MAST4: variants seen among roughly 807,000 people sequenced by gnomAD.
MAST4 encodes the protein microtubule-associated serine/threonine-protein kinase 4.
In MAST4, 89 loss-of-function variants were observed where a neutral mutation model predicts 162.7. The observed-to-expected ratio is 0.55, with a 90% CI of 0.46 to 0.65. The LOEUF (loss-of-function observed/expected upper bound fraction) is 0.65. Ranked by LOEUF, MAST4 falls within the 30% of genes least tolerant of loss-of-function variation. The pLI, the probability that MAST4 is intolerant of heterozygous loss-of-function variation, is 0.00. For synonymous variants in MAST4, 1,479 were observed against 1,361.1 expected (o/e 1.09, Z -1.91); for missense variants, 3,153 against 3,374.0 (o/e 0.93, Z 1.62).
chr5:66,843,522 T>C (rs1758574759), intron 3 of MAST4, among the ~76,000 whole-genome samples: 1 of 152,164 alleles, frequency 6.6e-6, no homozygotes, highest in African/African-American at 2.4e-5. Flanking sequence ...TAATGCCTAT[T>C]GGTGCTAGCA....
Position 66,604,127 on chromosome 5 carries a change from T to A in MAST4, c.363+7109T>A, listed in dbSNP as rs77581945. Among the ~76,000 whole-genome samples the A allele has an allele frequency of 1.4e-3, 216 of 152,336 alleles. 1 individual carries two copies. The highest frequency in any genetic ancestry group is 4.9e-3 in the African/African-American group (205 of 41,574). On this transcript the variant is annotated intron_variant, in intron 1 of 28. Transcript: ENST00000403625. ...TAAATGTGAAATGCTGGTTCAGGAC[T>A]GTGGTCCTTGGTACAGACACATACT...
chr5:66,767,772 A>G (rs1754168503), intron 2 of MAST4, among the ~76,000 whole-genome samples: 1 of 152,174 alleles, frequency 6.6e-6, no homozygotes, highest in African/African-American at 2.4e-5. Context: ...CAGGGCAGGA[A>G]GCATCCAGCA....
At chr5:66,946,868 G>C (rs1216880796) in intron 4 of MAST4, among the ~76,000 whole-genome samples, 2 of 152,098 alleles carry the variant, frequency 1.3e-5, no homozygotes, top group Non-Finnish European at 2.9e-5. Context: ...AAAACAGATT[G>C]TTTTTAATAA....
chr5:66,866,683 G>A (rs1420573646), intron 3 of MAST4, among the ~76,000 whole-genome samples: 3 of 152,332 alleles, frequency 2.0e-5, no homozygotes, highest in African/African-American at 7.2e-5. Flanking sequence ...GAGGTGAGTA[G>A]ATAAGTTTAT....
intron 5 of MAST4, among the ~76,000 whole-genome samples, chr5:67,080,351 C>G (rs1762455464): frequency 6.6e-6 from 1 of 152,148 alleles, no homozygotes; most frequent in Admixed American, 6.5e-5. Flanking sequence ...ATAATCACAA[C>G]TTTTTTTCTC....
chr5:66,650,169 G>T (rs1000894106), intron 1 of MAST4, among the ~76,000 whole-genome samples: 1 of 152,108 alleles, frequency 6.6e-6, no homozygotes. Flanking sequence ...TGGACTGACA[G>T]ATCTAGGCTC....
intron 19 of MAST4, among the ~76,000 whole-genome samples, chr5:67,138,643 A>C (rs543627187): frequency 6.6e-6 from 1 of 152,294 alleles, no homozygotes; most frequent in Non-Finnish European, 1.5e-5. Flanking sequence ...CATGTTGGCC[A>C]GGCTGGTCTT....
At chr5:67,049,762 C>G (rs2064561001) in intron 4 of MAST4, among the ~76,000 whole-genome samples, 1 of 152,118 alleles carries the variant, frequency 6.6e-6, no homozygotes, top group South Asian at 2.1e-4. Flanking sequence ...TCGGGGTTTC[C>G]TCTCTTCATT....
At chr5:67,113,795 G>A (rs1323891694) in intron 11 of MAST4, among the ~76,000 whole-genome samples, 3 of 152,130 alleles carry the variant, frequency 2.0e-5, no homozygotes, top group Middle Eastern at 3.2e-3. Context: ...GTTCATTGCC[G>A]ACGAGCGAGA....
intron 1 of MAST4, among the ~76,000 whole-genome samples, chr5:66,612,903 C>T (rs1046422062): frequency 2.0e-5 from 3 of 152,088 alleles, no homozygotes; most frequent in African/African-American, 4.8e-5. Context: ...TGACATGTTG[C>T]GTCTTACATA....
chr5:66,919,164 T>C (rs1764315260), intron 4 of MAST4, among the ~76,000 whole-genome samples: 1 of 151,454 alleles, frequency 6.6e-6, no homozygotes, highest in South Asian at 2.1e-4. Context: ...CTAATTTTAA[T>C]AGTCGTATAA....
intron 3 of MAST4, among the ~76,000 whole-genome samples, chr5:66,825,177 TG>T (rs1181263191): frequency 6.6e-6 from 1 of 152,184 alleles, no homozygotes; most frequent in East Asian, 1.9e-4. Flanking sequence ...ATTATGTGGC[TG>T]TAGCAAAATA....
At chr5:67,109,603 G>A (rs983329122) in intron 10 of MAST4, among the ~76,000 whole-genome samples, 6 of 151,940 alleles carry the variant, frequency 3.9e-5, no homozygotes, top group African/African-American at 9.7e-5. Context: ...CACTTCTTAC[G>A]TGTGATAATA....
chr5:67,057,742 G>A (rs892020073), intron 5 of MAST4, among the ~76,000 whole-genome samples: 1 of 151,956 alleles, frequency 6.6e-6, no homozygotes, highest in East Asian at 1.9e-4. Context: ...GAAAATTTCT[G>A]TATCAAAAAC....
chr5:66,733,031 T>G (rs995962662), intron 1 of MAST4, among the ~76,000 whole-genome samples: 2 of 152,210 alleles, frequency 1.3e-5, no homozygotes, highest in Non-Finnish European at 2.9e-5. Context: ...TTGTGTTTGT[T>G]TTTTATGCTT....
At chr5:67,038,593 G>T (rs1441405576) in intron 4 of MAST4, among the ~76,000 whole-genome samples, 1 of 152,150 alleles carries the variant, frequency 6.6e-6, no homozygotes, top group Non-Finnish European at 1.5e-5. Context: ...TTTGTCCTGT[G>T]AAACTGTTTA....
chr5:67,041,237 T>C (rs763770881), intron 4 of MAST4, among the ~76,000 whole-genome samples: 5 of 152,158 alleles, frequency 3.3e-5, no homozygotes, highest in Admixed American at 2.0e-4. Context: ...TGCTCCACCT[T>C]GATGTTGACA....
intron 3 of MAST4, among the ~76,000 whole-genome samples, chr5:66,839,179 T>C (rs961145918): frequency 1.3e-4 from 19 of 151,872 alleles, no homozygotes; most frequent in African/African-American, 4.4e-4. Context: ...GTTTCAGGAG[T>C]TAGGGATTAG....
At chr5:66,919,130 A>ACACG in intron 4 of MAST4, among the ~76,000 whole-genome samples, 1 of 149,724 alleles carries the variant, frequency 6.7e-6, no homozygotes, top group Admixed American at 6.7e-5. Flanking sequence ...ACACACACAC[A>ACACG]CACACACAAA....
Sources: allele counts gnomAD v4.1 joint callset (sites outside exome capture counted in the v4.1 genomes callset), GRCh38; gene constraint gnomAD v4.1.1; transcripts MANE v1.5; gene names NCBI Gene and HGNC (gene_info 2026-07-23, HGNC 2026-07-21).